Variants in PDE1C observed in about 807,000 individuals in gnomAD.
PDE1C encodes dual specificity calcium/calmodulin-dependent 3',5'-cyclic nucleotide phosphodiesterase 1C.
In PDE1C, 62 loss-of-function variants were observed where a neutral mutation model predicts 93.1. The ratio of observed to expected loss-of-function variants is 0.67; its 90% CI spans 0.54 to 0.82. PDE1C has a LOEUF of 0.82. Among genes scored for constraint, PDE1C ranks in the 40% least tolerant of loss-of-function variants. The pLI, the probability that PDE1C is intolerant of heterozygous loss-of-function variation, is 0.00. For synonymous variants in PDE1C, 325 were observed against 310.1 expected (o/e 1.05, Z -0.50); for missense variants, 742 against 884.6 (o/e 0.84, Z 2.04).
At chr7:31,941,128 T>G (rs1281549429) in intron 2 of PDE1C, 1 of 152,020 alleles carries the variant, frequency 6.6e-6, no homozygotes, top group Non-Finnish European at 1.5e-5. Context: ...TATCCCACAG[T>G]AAAGCAAAAG....
At chr7:31,990,531 G>A (rs1420560485) in intron 2 of PDE1C, among the ~76,000 whole-genome samples, 2 of 152,142 alleles carry the variant, frequency 1.3e-5, no homozygotes, top group Non-Finnish European at 2.9e-5. Context: ...CTTCCCAGAA[G>A]AAGGATGGCT....
chr7:32,298,065 C>CTCTCTCTCCTCTCTCT (rs1562660556), intron 1 of PDE1C, among the ~76,000 whole-genome samples: 7 of 21,174 alleles, frequency 3.3e-4, no homozygotes, highest in Admixed American at 6.5e-4. Flanking sequence ...TCTCTCTCTC[C>CTCTCTCTCCTCTCTCT]CCTCTCTCTC....
chr7:32,244,160 G>A (rs1808743518), intron 1 of PDE1C, among the ~76,000 whole-genome samples: 1 of 152,176 alleles, frequency 6.6e-6, no homozygotes, highest in African/African-American at 2.4e-5. Context: ...CCAATGCTGT[G>A]TTTTCCCTTC....
upstream of PDE1C, chr7:32,299,415 T>C: frequency 3.0e-6 from 3 of 985,582 alleles, no homozygotes; most frequent in Non-Finnish European, 3.6e-6. Flanking sequence ...CCACTGTCCC[T>C]GCCAGGAAGG....
the PDE1C span, among the ~76,000 whole-genome samples, chr7:31,669,277 G>T: frequency 6.6e-6 from 1 of 151,976 alleles, no homozygotes; most frequent in South Asian, 2.1e-4. Context: ...CAAAAAGCAA[G>T]GTCACCTTAT....
chr7:31,687,188 T>G, the PDE1C span: 1 of 152,440 alleles, frequency 6.6e-6, no homozygotes, highest in South Asian at 2.1e-4. Context: ...GGTCCCTAGA[T>G]AAGAGGAGCT....
At chr7:32,055,293 G>A (rs953247124) in intron 1 of PDE1C, among the ~76,000 whole-genome samples, 1 of 152,104 alleles carries the variant, frequency 6.6e-6, no homozygotes, top group East Asian at 1.9e-4. Flanking sequence ...CAATGAGAAG[G>A]CTGGGGAGCT....
At chr7:32,307,063 T>C (rs1813022370) in intron 1 of PDE1C, among the ~76,000 whole-genome samples, 1 of 152,242 alleles carries the variant, frequency 6.6e-6, no homozygotes, top group South Asian at 2.1e-4. Context: ...CCTTCTGTGC[T>C]TCCCAGGATC....
chr7:31,863,994 T>A (rs1794981026), intron 7 of PDE1C, among the ~76,000 whole-genome samples: 1 of 152,192 alleles, frequency 6.6e-6, no homozygotes, highest in African/African-American at 2.4e-5. Context: ...ATAACAAATG[T>A]GCCCTGGATT....
At chr7:31,658,650 C>G in the PDE1C span, 1 of 208,898 alleles carries the variant, frequency 4.8e-6, no homozygotes. Context: ...ATTGAGAGAA[C>G]AGGAACAGAA....
At chr7:32,370,245 C>A (rs1784306508) in intron 1 of PDE1C, among the ~76,000 whole-genome samples, 1 of 152,018 alleles carries the variant, frequency 6.6e-6, no homozygotes, top group South Asian at 2.1e-4. Context: ...GTCAGGAGAT[C>A]GAGACCATCC....
intron 1 of PDE1C, among the ~76,000 whole-genome samples, chr7:32,339,083 CAG>C (rs1308258134): frequency 6.6e-6 from 1 of 150,710 alleles, no homozygotes; most frequent in African/African-American, 2.4e-5. Context: ...CATCAACAAA[CAG>C]AAAAAAAATT....
the PDE1C span, among the ~76,000 whole-genome samples, chr7:31,726,238 T>C: frequency 6.6e-6 from 1 of 152,242 alleles, no homozygotes; most frequent in Middle Eastern, 3.4e-3. Flanking sequence ...TCATTTTTTT[T>C]TTAATTTTGT....
downstream of PDE1C, among the ~76,000 whole-genome samples, chr7:31,746,984 C>A (rs1379606410): frequency 6.6e-6 from 1 of 152,146 alleles, no homozygotes; most frequent in Non-Finnish European, 1.5e-5. Flanking sequence ...GGTAGGTCTT[C>A]TTCTAGAAAT....
intron 3 of PDE1C, among the ~76,000 whole-genome samples, chr7:32,125,715 T>G (rs1019913627): frequency 4.0e-5 from 6 of 151,358 alleles, no homozygotes; most frequent in Non-Finnish European, 7.4e-5. Context: ...TCAGGGCCTG[T>G]TGGGGGTTGG....
At chr7:32,305,472 T>C (rs1175319876) in intron 1 of PDE1C, among the ~76,000 whole-genome samples, 1 of 152,194 alleles carries the variant, frequency 6.6e-6, no homozygotes, top group Non-Finnish European at 1.5e-5. Context: ...CTAGCCCAGA[T>C]CACTAAGCAA....
chr7:31,972,876 T>TG (rs762950342), intron 2 of PDE1C, among the ~76,000 whole-genome samples: 34 of 152,234 alleles, frequency 2.2e-4, no homozygotes, highest in Non-Finnish European at 4.6e-4. Context: ...CCCATGAGCC[T>TG]GGCATCTTCT....
Position 32,095,469 on chromosome 7 carries a change from C to T in PDE1C, c.308+74316G>A, listed in dbSNP as rs114118587. Reference sequence around the variant, plus strand: ...CACTTAGCAGCCTTCCTTGCTAAAACTGGTTCACCCTTTGCTACTGTCTCA... The same window carrying T: ...CACTTAGCAGCCTTCCTTGCTAAAATTGGTTCACCCTTTGCTACTGTCTCA... On this transcript the variant is annotated intron_variant, in intron 3 of 18. Coordinates refer to the PDE1C transcript ENST00000396193. Among the ~76,000 whole-genome samples the T allele has an allele frequency of 3.8e-3, 578 of 152,306 alleles. 7 individuals are homozygous for T. The highest frequency in any genetic ancestry group is 0.013 in the African/African-American group (551 of 41,562).
chr7:31,727,157 A>G, the PDE1C span, among the ~76,000 whole-genome samples: 15,398 of 152,152 alleles, frequency 0.1, 985 homozygotes, highest in East Asian at 0.24. Context: ...ATAATTCATC[A>G]CAAGCCCAAA....
Sources: gnomAD v4.1 joint callset for allele counts (sites outside exome capture counted in the v4.1 genomes callset) on GRCh38, gnomAD v4.1.1 for gene constraint, MANE v1.5 for transcripts, NCBI Gene and HGNC (gene_info 2026-07-23, HGNC 2026-07-21) for gene names.